NALF1: variants seen among roughly 807,000 people sequenced by gnomAD.
NALF1 encodes NALCN channel auxiliary factor 1, also known as family with sequence similarity 155 member A.
NALF1 carries 3 observed loss-of-function variants against 48.4 expected under a neutral mutation model. The ratio of observed to expected loss-of-function variants is 0.06; its 90% confidence interval spans 0.03 to 0.16. NALF1 has a LOEUF of 0.16. Among genes scored for constraint, NALF1 ranks in the 10% least tolerant of loss-of-function variants. The pLI is 1.00. For synonymous variants in NALF1, 262 were observed against 245.7 expected (o/e 1.07, Z -0.62); for missense variants, 526 against 571.5 (o/e 0.92, Z 0.81).
At chr13:107,705,502 G>T (rs527843164) in intron 1 of NALF1, among the ~76,000 whole-genome samples, 1 of 64,554 alleles carries the variant, frequency 1.5e-5, no homozygotes, top group Non-Finnish European at 3.0e-5. Flanking sequence ...TAAGTCTAAA[G>T]ATTTTATACA....
intron 2 of NALF1, among the ~76,000 whole-genome samples, chr13:107,191,487 A>G (rs1417467337): frequency 6.6e-6 from 1 of 152,152 alleles, no homozygotes; most frequent in Non-Finnish European, 1.5e-5. Context: ...TGGAAGACCT[A>G]TTAAACTGAG....
chr13:107,641,072 G>A (rs192717108), intron 1 of NALF1, among the ~76,000 whole-genome samples: 54 of 152,222 alleles, frequency 3.5e-4, no homozygotes, highest in Non-Finnish European at 5.0e-4. Context: ...ATATCTACTT[G>A]GTTATAAATA....
At chr13:107,801,631 T>A (rs1468852803) in intron 1 of NALF1, among the ~76,000 whole-genome samples, 1 of 152,186 alleles carries the variant, frequency 6.6e-6, no homozygotes, top group African/African-American at 2.4e-5. Flanking sequence ...AAAATTAGAA[T>A]CCTGTCGGGG....
At chr13:107,520,959 A>C (rs1479221248) in intron 1 of NALF1, among the ~76,000 whole-genome samples, 1 of 152,204 alleles carries the variant, frequency 6.6e-6, no homozygotes, top group East Asian at 1.9e-4. Context: ...AGACGTACCC[A>C]GTGATCTATG....
intron 2 of NALF1, among the ~76,000 whole-genome samples, chr13:107,208,595 T>C (rs1254465781): frequency 6.6e-6 from 1 of 152,180 alleles, no homozygotes; most frequent in African/African-American, 2.4e-5. Context: ...AAAACTATTG[T>C]TCTTCTCTAG....
chr13:107,178,958 A>C (rs1396570934), intron 2 of NALF1, among the ~76,000 whole-genome samples: 3 of 150,260 alleles, frequency 2.0e-5, no homozygotes, highest in Non-Finnish European at 4.5e-5. Flanking sequence ...AAACAAACAA[A>C]AAAAAAAAAC....
intron 1 of NALF1, among the ~76,000 whole-genome samples, chr13:107,278,228 G>A (rs180715429): frequency 5.9e-5 from 9 of 152,216 alleles, no homozygotes; most frequent in Admixed American, 1.3e-4. Flanking sequence ...AGCCCCATTC[G>A]TACTCAAAAT....
At position 107,490,117 on chromosome 13, in the gene NALF1, C is replaced by T. The variant is rs1924443; in HGVS notation, c.916-279362G>A. On this transcript the variant is annotated intron_variant, in intron 1 of 2. Coordinates refer to ENST00000375915, the MANE Select transcript of NALF1 (RefSeq NM_001080396.3). Reference sequence around the variant, plus strand: ...TTGTGGAGAAAAAGGAACGCTTATACACAGTTGATGGGAGAGTAAATTAGG... The same window carrying T: ...TTGTGGAGAAAAAGGAACGCTTATATACAGTTGATGGGAGAGTAAATTAGG... Among the ~76,000 whole-genome samples, 1,066 of 152,250 alleles carry T rather than the reference C, an allele frequency of 7.0e-3. 18 individuals are homozygous for T. Among genetic ancestry groups the T allele is most frequent in the African/African-American group, 0.024 (1,003 of 41,534 alleles).
At chr13:107,813,751 T>A (rs1879074256) in intron 1 of NALF1, among the ~76,000 whole-genome samples, 1 of 151,902 alleles carries the variant, frequency 6.6e-6, no homozygotes, top group African/African-American at 2.4e-5. Flanking sequence ...AAGTATTAAA[T>A]CAGTATAAAT....
intron 1 of NALF1, among the ~76,000 whole-genome samples, chr13:107,410,452 T>C (rs1258365023): frequency 6.6e-6 from 1 of 152,180 alleles, no homozygotes; most frequent in Non-Finnish European, 1.5e-5. Flanking sequence ...ACATTGGCAA[T>C]ATCCAACATT....
Position 107,199,132 on chromosome 13 carries a change from G to A in NALF1, c.1087+11452C>T, listed in dbSNP as rs1879455879. ...AGATGTCATTATTGGGGTGCCATGAGGCTTTTAGGGTGGGTCCTAGTTCAA... is the reference window on the plus strand; with the variant it reads ...AGATGTCATTATTGGGGTGCCATGAAGCTTTTAGGGTGGGTCCTAGTTCAA... On this transcript the variant is annotated intron_variant, in intron 2 of 2. Coordinates refer to ENST00000375915, the MANE Select transcript of NALF1 (RefSeq NM_001080396.3). 1.3e-5 allele frequency among the ~76,000 whole-genome samples: 2 copies of A among 151,876 alleles called. 1 individual carries two copies. Among genetic ancestry groups the A allele is most frequent in the South Asian group, 4.2e-4 (2 of 4,794 alleles).
At chr13:107,639,515 A>G (rs1329883166) in intron 1 of NALF1, among the ~76,000 whole-genome samples, 5 of 151,924 alleles carry the variant, frequency 3.3e-5, no homozygotes, top group Non-Finnish European at 7.4e-5. Context: ...ATTTTTATCT[A>G]AAACACTTCC....
chr13:107,760,187 TTC>T (rs1358301926), intron 1 of NALF1, among the ~76,000 whole-genome samples: 2 of 152,344 alleles, frequency 1.3e-5, no homozygotes, highest in African/African-American at 4.8e-5. Flanking sequence ...CAAGGTAGAT[TTC>T]TCCTTTTTTT....
intron 1 of NALF1, among the ~76,000 whole-genome samples, chr13:107,612,614 A>G (rs1879263561): frequency 6.6e-6 from 1 of 152,144 alleles, no homozygotes; most frequent in Non-Finnish European, 1.5e-5. Flanking sequence ...GCAGAGTCAG[A>G]GAGAGCTCCT....
At chr13:107,715,405 T>C (rs1402615400) in intron 1 of NALF1, among the ~76,000 whole-genome samples, 1 of 152,164 alleles carries the variant, frequency 6.6e-6, no homozygotes. Context: ...TTTCTCCATG[T>C]TGATCAGGCT....
rs376471204 is a variant in NALF1, at chr13:107,713,342, A to G, written c.915+152340T>C. ...TCTGAATTCATTACACTTCCCCTCT[A>G]TCCTGTTTTAAGGGCTCTGATATTT... On this transcript the variant is annotated intron_variant, in intron 1 of 2. Transcript: ENST00000375915. Among the ~76,000 whole-genome samples, 6 of 152,142 alleles carry G rather than the reference A, an allele frequency of 3.9e-5. No homozygotes were observed. In the East Asian group the frequency reaches 1.2e-3, roughly 29 times the overall value.
chr13:107,286,586 C>CAAAAAAAAAAAAAAA (rs1159508752), intron 1 of NALF1, among the ~76,000 whole-genome samples: 1 of 102,094 alleles, frequency 9.8e-6, no homozygotes, highest in Non-Finnish European at 2.0e-5. Context: ...GACCCTGTCT[C>CAAAAAAAAAAAAAAA]AAAAAAAAAA....
At chr13:107,326,559 T>C (rs1417045755) in intron 1 of NALF1, among the ~76,000 whole-genome samples, 2 of 152,178 alleles carry the variant, frequency 1.3e-5, no homozygotes, top group East Asian at 1.9e-4. Context: ...ACATAGCCAG[T>C]AGATTAGTCC....
At chr13:107,490,654 A>G (rs1372666261) in intron 1 of NALF1, among the ~76,000 whole-genome samples, 1 of 152,034 alleles carries the variant, frequency 6.6e-6, no homozygotes, top group East Asian at 1.9e-4. Context: ...TGTACAACAA[A>G]CTCCCATGAC....
Sources: allele counts gnomAD v4.1 joint callset (sites outside exome capture counted in the v4.1 genomes callset), GRCh38; gene constraint gnomAD v4.1.1; transcripts MANE v1.5; gene names NCBI Gene and HGNC (gene_info 2026-07-23, HGNC 2026-07-21).